Variants in PLA2G4E observed in about 807,000 individuals in gnomAD.
The protein encoded by PLA2G4E is cytosolic phospholipase A2 epsilon.
PLA2G4E carries 84 observed loss-of-function variants against 109.1 expected under a neutral mutation model. The observed-to-expected ratio is 0.77, with a 90% confidence interval of 0.65 to 0.92. The LOEUF (loss-of-function observed/expected upper bound fraction) is 0.92. PLA2G4E is among the 40% of genes least tolerant of loss of function. The probability of loss-of-function intolerance (pLI) is 0.00; values close to 1 mark genes in which losing one functional copy is unlikely to be tolerated. For missense variants in PLA2G4E, 1,057 were observed against 1,076.6 expected (o/e 0.98, Z 0.25); for synonymous variants, 469 against 436.1 (o/e 1.08, Z -0.94).
At chr15:41,981,845 T>C (rs1227374852) in exon 20 of PLA2G4E, 3 of 152,134 alleles carry the variant, frequency 2.0e-5, no homozygotes, top group African/African-American at 7.2e-5. Context: ...TGGGGACCAG[T>C]TTTGCAGGTC....
chr15:42,034,185 G>T (rs964146444), intron 1 of PLA2G4E, among the ~76,000 whole-genome samples: 1 of 152,210 alleles, frequency 6.6e-6, no homozygotes, highest in African/African-American at 2.4e-5. Context: ...GCTAAAACTG[G>T]AAAGTTCCAG....
At position 41,989,662 on chromosome 15, in the gene PLA2G4E, A is replaced by G. The variant is rs941915802; in HGVS notation, c.1586-110T>C. ...TGGCTCAGGCCTTGGAAAGCCTGGG[A>G]CAGGGAGGCCGCAGTTCCCCCAAAG... On this transcript the variant is annotated intron_variant, in intron 14 of 19. Coordinates refer to ENST00000399518, the Ensembl canonical transcript of PLA2G4E. 5.0e-5 allele frequency: 70 copies of G among 1,413,836 alleles called. 2 individuals are homozygous for G. In the South Asian group the frequency reaches 9.5e-4, roughly 19 times the overall value. 87.6% of individuals were successfully genotyped at this position (1,413,836 alleles called of 1,614,324 possible). A position where few individuals can be genotyped will look rare whatever the true frequency, so the allele number is the denominator to read the frequency against.
chr15:41,995,904 A>T (rs192398208), intron 11 of PLA2G4E, among the ~76,000 whole-genome samples: 11 of 152,324 alleles, frequency 7.2e-5, no homozygotes, highest in Non-Finnish European at 1.5e-5. Flanking sequence ...CTGTAGCTGG[A>T]TCTGAGGGAA....
chr15:42,005,707 C>T (rs114319837), intron 4 of PLA2G4E, among the ~76,000 whole-genome samples: 3,917 of 152,350 alleles, frequency 0.026, 200 homozygotes, highest in African/African-American at 0.09. Flanking sequence ...TCTGTGAACA[C>T]TGCTAGTTGC....
chr15:42,031,190 A>T (rs1258721588), intron 1 of PLA2G4E, among the ~76,000 whole-genome samples: 2 of 152,040 alleles, frequency 1.3e-5, no homozygotes, highest in Non-Finnish European at 2.9e-5. Flanking sequence ...GCTGGTCTTG[A>T]ACTTCTGGGC....
chr15:42,030,822 G>T (rs1889099652), intron 1 of PLA2G4E, among the ~76,000 whole-genome samples: 1 of 152,164 alleles, frequency 6.6e-6, no homozygotes, highest in Admixed American at 6.5e-5. Context: ...TTTGTGTGTG[G>T]CCCCTTTCAT....
chr15:41,986,090 G>T, intron 17 of PLA2G4E, 85 bp from the exon 18 acceptor site: 1 of 1,416,118 alleles, frequency 7.1e-7, no homozygotes, highest in Non-Finnish European at 9.6e-7. Context: ...GGAGCGCCCT[G>T]TCTGGAGCAT....
chr15:42,036,972 G>A (rs1158452652), intron 1 of PLA2G4E, among the ~76,000 whole-genome samples: 1 of 152,360 alleles, frequency 6.6e-6, no homozygotes, highest in East Asian at 1.9e-4. Context: ...CCGAGTCCAG[G>A]TGCTGTTGCA....
chr15:41,985,697 T>G, intron 18 of PLA2G4E, 142 bp downstream of exon 18: 1 of 1,080,262 alleles, frequency 9.3e-7, no homozygotes, highest in South Asian at 1.6e-5. Flanking sequence ...CCATCATGAC[T>G]GCTGCTTGGC....
At chr15:41,987,075 G>T in intron 17 of PLA2G4E, 97 bp downstream of exon 17, 2 of 1,292,510 alleles carry the variant, frequency 1.5e-6, no homozygotes, top group East Asian at 2.4e-5. Context: ...AACATAGCCA[G>T]AGAAGTTTTC....
chr15:42,014,655 GC>G (rs2068571380), intron 1 of PLA2G4E, among the ~76,000 whole-genome samples: 1 of 152,166 alleles, frequency 6.6e-6, no homozygotes, highest in African/African-American at 2.4e-5. Context: ...TCCAGCCCAG[GC>G]CTTTGCATCT....
chr15:41,992,008 A>T (rs1668580), intron 13 of PLA2G4E, among the ~76,000 whole-genome samples: 3 of 152,150 alleles, frequency 2.0e-5, no homozygotes, highest in African/African-American at 7.2e-5. Context: ...TGTGCTGGGT[A>T]GCAGCTCTCA....
intron 1 of PLA2G4E, among the ~76,000 whole-genome samples, chr15:42,013,994 T>C (rs1275858743): frequency 6.7e-6 from 1 of 150,166 alleles, no homozygotes; most frequent in Admixed American, 6.7e-5. Flanking sequence ...CAGGTTCTAG[T>C]GATTCTCCTG....
chr15:42,021,808 G>A (rs2068651189), intron 1 of PLA2G4E, among the ~76,000 whole-genome samples: 1 of 152,224 alleles, frequency 6.6e-6, no homozygotes, highest in South Asian at 2.1e-4. Flanking sequence ...TCCTGCCTGA[G>A]CTATTGCCTG....
At chr15:42,013,263 C>T (rs2068555475) in intron 2 of PLA2G4E, among the ~76,000 whole-genome samples, 1 of 152,204 alleles carries the variant, frequency 6.6e-6, no homozygotes, top group African/African-American at 2.4e-5. Context: ...CTCCACGATG[C>T]CTAAGTGCCT....
Position 42,001,189 on chromosome 15 carries a change from G to C in PLA2G4E, c.641C>G (p.Ala214Gly), listed in dbSNP as rs369614281. Residue 214 changes from alanine (A) to glycine (G), a missense_variant, in exon 7 of 20, where the codon GCA becomes GGA. Coordinates refer to ENST00000399518, the Ensembl canonical transcript of PLA2G4E. ...CCTCTTCCTCCGCCTCCTGGATTGT[G>C]CATGAACCTCCAGGCAGGAGACTTG... 4.0e-5 allele frequency: 65 copies of C among 1,613,676 alleles called. No homozygotes were observed. Among genetic ancestry groups the C allele is most frequent in the Non-Finnish European group, 5.3e-5 (62 of 1,179,750 alleles).
exon 20 of PLA2G4E, chr15:41,983,668 G>C (rs1326954416): frequency 4.1e-6 from 5 of 1,232,074 alleles, no homozygotes; most frequent in Non-Finnish European, 5.7e-6. Flanking sequence ...GAGCAGAGCT[G>C]GCTGCGTAGT....
intron 1 of PLA2G4E, among the ~76,000 whole-genome samples, chr15:42,048,399 G>T (rs1366201727): frequency 6.6e-6 from 1 of 152,158 alleles, no homozygotes; most frequent in Non-Finnish European, 1.5e-5. Flanking sequence ...ATAGTGGATT[G>T]GCCCTTTATG....
intron 12 of PLA2G4E, among the ~76,000 whole-genome samples, chr15:41,994,751 T>G (rs1402310569): frequency 6.6e-6 from 1 of 152,218 alleles, no homozygotes; most frequent in Admixed American, 6.5e-5. Flanking sequence ...TAAAGACAAA[T>G]GTATTCATAT....
Sources: allele counts gnomAD v4.1 joint callset (sites outside exome capture counted in the v4.1 genomes callset), GRCh38; gene constraint gnomAD v4.1.1; transcripts MANE v1.5; gene names NCBI Gene and HGNC (gene_info 2026-07-23, HGNC 2026-07-21).